UGT1A4: variants seen among roughly 807,000 people sequenced by gnomAD.
UGT1A4 encodes the protein UDP glucuronosyltransferase family 1 member A4.
Under a neutral mutation model 41.1 loss-of-function variants are expected in UGT1A4, and 32 were observed. The ratio of observed to expected loss-of-function variants is 0.78; its 90% CI spans 0.59 to 1.05. The LOEUF (loss-of-function observed/expected upper bound fraction) is 1.05. UGT1A4 is among the 50% of genes least tolerant of loss of function. The pLI, the probability that UGT1A4 is intolerant of heterozygous loss-of-function variation, is 0.00. For synonymous variants in UGT1A4, 283 were observed against 265.1 expected, an observed-to-expected ratio of 1.07 and a Z score of -0.66; for missense variants, 748 against 677.4, an observed-to-expected ratio of 1.10 and a Z score of -1.16.
intron 1 of UGT1A4, among the ~76,000 whole-genome samples, chr2:233,739,589 C>T (rs894733553): frequency 6.6e-6 from 1 of 152,224 alleles, no homozygotes; most frequent in African/African-American, 2.4e-5. Flanking sequence ...TGCATGGGGC[C>T]TATAGCCCCT....
chr2:233,743,264 C>T, intron 1 of UGT1A4: 1 of 454,126 alleles, frequency 2.2e-6, no homozygotes, highest in South Asian at 1.7e-5. Context: ...CCATCTTCCT[C>T]CACTTCCACC....
At chr2:233,735,683 G>A (rs909239593) in intron 1 of UGT1A4, among the ~76,000 whole-genome samples, 11 of 152,010 alleles carry the variant, frequency 7.2e-5, no homozygotes, top group African/African-American at 2.7e-4. Context: ...CTTCCTTTAG[G>A]AGCTCTTGTA....
intron 1 of UGT1A4, chr2:233,729,416 CTCAACTGT>C (rs2077854535): frequency 6.2e-7 from 1 of 1,613,510 alleles, no homozygotes. Context: ...CTGGGCCACA[CTCAACTGT>C]ACTTTGAAAC....
At chr2:233,746,807 G>C (rs1340541444) in intron 1 of UGT1A4, among the ~76,000 whole-genome samples, 4 of 151,778 alleles carry the variant, frequency 2.6e-5, no homozygotes, top group Admixed American at 2.0e-4. Flanking sequence ...CGTGAATGTG[G>C]ATTGCCTACT....
Position 233,772,610 on chromosome 2 carries a change from C to A in UGT1A4, c.*51C>A. 6.3e-7 allele frequency: 1 copy of A among 1,580,500 alleles called. No individual in the cohort carries two copies. Among genetic ancestry groups the A allele is most frequent in the South Asian group, 1.1e-5 (1 of 87,222 alleles). On this transcript the variant is annotated 3_prime_UTR_variant, in exon 5 of 5. Transcript: ENST00000373409. ...TTTTGAACCATTCCCTAGTCATTTC[C>A]AAACTTGAAAACAGAATCAGTGTTA...
chr2:233,747,312 G>T, intron 1 of UGT1A4: 1 of 1,603,228 alleles, frequency 6.2e-7, no homozygotes, highest in Non-Finnish European at 8.5e-7. Context: ...AGGTGCTGGT[G>T]GTACCCATTG....
At chr2:233,729,649 A>T (rs61764031) in intron 1 of UGT1A4, 1,345 of 1,613,864 alleles carry the variant, frequency 8.3e-4, no homozygotes, top group Non-Finnish European at 1.1e-3. Context: ...TTTTTTGAGG[A>T]ACATTCCATG....
chr2:233,755,320 T>A, intron 1 of UGT1A4: 1 of 508,264 alleles, frequency 2.0e-6, no homozygotes, highest in Non-Finnish European at 3.2e-6. Context: ...GCGGCAAGGC[T>A]GCCAGCACCC....
chr2:233,768,296 C>T lies in UGT1A4; in HGVS notation c.1164C>T (p.Pro388=), dbSNP rs763217521. 13 of 1,614,024 alleles carry T rather than the reference C, an allele frequency of 8.1e-6. No homozygotes were observed. In the African/African-American group the frequency reaches 1.1e-4, roughly 13 times the overall value. ...GVYESICNGV[P]MVMMPLFGDQ... is the part of the protein sequence containing the mutation. The stretch of plus-strand genomic sequence containing the variant: ...ATGAAAGCATATGCAATGGCGTTCC[C>T]ATGGTGATGATGCCCTTGTTTGGTG... Residue 388 remains proline (P), a synonymous_variant, in exon 4 of 5, where the codon CCC becomes CCT. Coordinates refer to ENST00000373409, the MANE Select transcript of UGT1A4 (RefSeq NM_007120.3).
intron 1 of UGT1A4, among the ~76,000 whole-genome samples, chr2:233,724,066 G>GC (rs1225468925): frequency 2.7e-5 from 2 of 73,838 alleles, no homozygotes; most frequent in Non-Finnish European, 5.1e-5. Context: ...AGACGGGGTG[G>GC]TGGCCGGGCA....
At chr2:233,767,202 T>G in intron 2 of UGT1A4, 37 bp downstream of exon 2, 15 of 1,613,508 alleles carry the variant, frequency 9.3e-6, no homozygotes, top group Non-Finnish European at 1.3e-5. Flanking sequence ...ATATCTATTT[T>G]CACAGGAGCG....
chr2:233,729,271 C>A, intron 1 of UGT1A4: 1 of 1,614,166 alleles, frequency 6.2e-7, no homozygotes, highest in Non-Finnish European at 8.5e-7. Context: ...GGAGGTCTTG[C>A]GGGAGCTCCA....
chr2:233,722,629 T>C (rs892720273), intron 1 of UGT1A4, among the ~76,000 whole-genome samples: 4 of 152,210 alleles, frequency 2.6e-5, no homozygotes, highest in African/African-American at 7.2e-5. Flanking sequence ...TAATGAAGCA[T>C]TGAGGGCTCG....
rs138617806 is a variant in UGT1A4 at position 233,729,585 on chromosome 2, C to A, written c.867+9898C>A. The A allele has an allele frequency of 2.5e-6, 4 of 1,613,966 alleles. No homozygotes were observed. The African/African-American group carries it at 5.3e-5, about 22-fold the overall frequency. The stretch of plus-strand genomic sequence containing the variant: ...CCTTTGATGTGGTTTTAACAGACCC[C>A]GTTAACCTCTGCGCGGCAGTGCTGG... On this transcript the variant is annotated intron_variant, in intron 1 of 4. Coordinates refer to ENST00000373409, the MANE Select transcript of UGT1A4 (RefSeq NM_007120.3).
At chr2:233,725,976 G>T (rs553044783) in intron 1 of UGT1A4, among the ~76,000 whole-genome samples, 1 of 152,162 alleles carries the variant, frequency 6.6e-6, no homozygotes, top group Non-Finnish European at 1.5e-5. Flanking sequence ...GAGCAGCCTG[G>T]GAAACGTGCT....
intron 1 of UGT1A4, among the ~76,000 whole-genome samples, chr2:233,745,130 TG>T (rs1693021871): frequency 6.6e-6 from 1 of 151,922 alleles, no homozygotes; most frequent in Admixed American, 6.5e-5. Flanking sequence ...AATCTGCAGA[TG>T]TGAAGCCCAA....
chr2:233,750,363 A>C (rs1694437440), intron 1 of UGT1A4, among the ~76,000 whole-genome samples: 1 of 151,980 alleles, frequency 6.6e-6, no homozygotes, highest in African/African-American at 2.4e-5. Context: ...TATGTTTAAA[A>C]GGGAAGCAGA....
chr2:233,756,509 C>T (rs138449392), intron 1 of UGT1A4, among the ~76,000 whole-genome samples: 7 of 151,986 alleles, frequency 4.6e-5, no homozygotes, highest in African/African-American at 1.7e-4. Context: ...TATGGAGGGT[C>T]AAATGTGCAT....
intron 1 of UGT1A4, among the ~76,000 whole-genome samples, chr2:233,742,359 GA>G (rs1415780327): frequency 1.3e-5 from 2 of 152,084 alleles, no homozygotes; most frequent in Admixed American, 6.5e-5. Flanking sequence ...ATCTGCAGCA[GA>G]AACATGTCCT....
Sources: gnomAD v4.1 joint callset for allele counts (sites outside exome capture counted in the v4.1 genomes callset) on GRCh38, gnomAD v4.1.1 for gene constraint, MANE v1.5 for transcripts, NCBI Gene and HGNC (gene_info 2026-07-23, HGNC 2026-07-21) for gene names.